Variants in FHIT observed in about 807,000 individuals in gnomAD.
The protein encoded by FHIT is fragile histidine triad diadenosine triphosphatase.
A neutral mutation model predicts 17.9 loss-of-function variants in FHIT; 19 were observed. The ratio of observed to expected loss-of-function variants is 1.06; its 90% confidence interval spans 0.74 to 1.56. FHIT has a LOEUF of 1.56. FHIT is among the 40% of genes most tolerant of loss of function. FHIT has a pLI of 0.00. For synonymous variants in FHIT, 81 were observed against 69.7 expected (o/e 1.16, Z -0.81); for missense variants, 248 against 189.2 (o/e 1.31, Z -1.82).
intron 5 of FHIT, among the ~76,000 whole-genome samples, chr3:60,121,686 A>AAAAC (rs138801814): frequency 0.033 from 3,232 of 96,748 alleles, 151 homozygotes; most frequent in African/African-American, 0.13. Flanking sequence ...TCTGTCTCAA[A>AAAAC]AAACAAACAA....
chr3:60,512,254 A>G (rs754929559), intron 5 of FHIT, among the ~76,000 whole-genome samples: 1 of 152,190 alleles, frequency 6.6e-6, no homozygotes, highest in Non-Finnish European at 1.5e-5. Context: ...ATCAGATTAA[A>G]GTCTATTTAA....
chr3:60,227,420 A>C (rs192502690), intron 5 of FHIT, among the ~76,000 whole-genome samples: 1 of 152,296 alleles, frequency 6.6e-6, no homozygotes, highest in African/African-American at 2.4e-5. Context: ...AAGAAATGAA[A>C]GCTTCCTGAA....
chr3:60,973,786 C>T (rs1358006398), intron 3 of FHIT, among the ~76,000 whole-genome samples: 1 of 152,114 alleles, frequency 6.6e-6, no homozygotes, highest in Admixed American at 6.6e-5. Context: ...CTGAAGCTTT[C>T]TCAAGTAGGA....
chr3:60,007,124 C>T (rs75828240), intron 7 of FHIT, among the ~76,000 whole-genome samples: 2,689 of 152,174 alleles, frequency 0.018, 68 homozygotes, highest in African/African-American at 0.061. Context: ...TCCAGATTAC[C>T]TGCCTGGAAT....
chr3:61,106,048 CCT>C (rs2035979544), intron 2 of FHIT, among the ~76,000 whole-genome samples: 1 of 152,124 alleles, frequency 6.6e-6, no homozygotes, highest in South Asian at 2.1e-4. Flanking sequence ...TTTGGAACCC[CCT>C]GATTATTAGC....
In FHIT at chr3:59,879,021, AAG is replaced by A. The variant is rs1491266613; in HGVS notation, c.348+43323_348+43324del. 2.8e-5 allele frequency among the ~76,000 whole-genome samples: 4 copies of A among 143,046 alleles called. No homozygotes were observed. In the South Asian group the frequency reaches 7.1e-4, roughly 25 times the overall value. 93.8% of individuals were successfully genotyped at this position (143,046 alleles called of 152,430 possible). On this transcript the variant is annotated intron_variant, in intron 8 of 9. Transcript: ENST00000492590. ...CAAACTGTCAGCAAAGGAAAAAAAA[AAG>A]AAGAAGAAGAAAGGGCACATTCTAT...
chr3:60,333,565 G>GAAAA (rs1039389564), intron 5 of FHIT, among the ~76,000 whole-genome samples: 1 of 150,754 alleles, frequency 6.6e-6, no homozygotes, highest in Non-Finnish European at 1.5e-5. Flanking sequence ...AATTTAAAAA[G>GAAAA]AAAAAATATA....
intron 5 of FHIT, among the ~76,000 whole-genome samples, chr3:60,448,030 C>T (rs551498547): frequency 6.6e-6 from 1 of 152,276 alleles, no homozygotes; most frequent in East Asian, 1.9e-4. Context: ...ATCATCTCAT[C>T]AATGAATTCA....
At chr3:61,102,133 A>G (rs7611232) in intron 2 of FHIT, among the ~76,000 whole-genome samples, 52,439 of 151,826 alleles carry the variant, frequency 0.35, 11,413 homozygotes, top group Non-Finnish European at 0.49. Context: ...GTCTTGTGCC[A>G]GTTTTCAAAG....
At chr3:60,156,665 T>C (rs963254217) in intron 5 of FHIT, among the ~76,000 whole-genome samples, 2 of 152,074 alleles carry the variant, frequency 1.3e-5, no homozygotes, top group Non-Finnish European at 1.5e-5. Context: ...GGTGAGAGGA[T>C]TACTTGAGCC....
chr3:61,132,293 C>A (rs1235098839), intron 2 of FHIT, among the ~76,000 whole-genome samples: 2 of 152,218 alleles, frequency 1.3e-5, no homozygotes, highest in East Asian at 1.9e-4. Context: ...CAGAAAAGGT[C>A]TGGCTGTTCT....
intron 4 of FHIT, chr3:60,617,359 C>G (rs536927475): frequency 4.9e-6 from 1 of 202,754 alleles, no homozygotes; most frequent in Non-Finnish European, 1.1e-5. Flanking sequence ...CCTGTAAATG[C>G]CTTTGTTGAT....
At chr3:60,294,440 C>T (rs999947025) in intron 5 of FHIT, among the ~76,000 whole-genome samples, 2 of 152,172 alleles carry the variant, frequency 1.3e-5, no homozygotes, top group Admixed American at 6.6e-5. Flanking sequence ...AGTTAGCTGG[C>T]AGCAGAACTT....
At chr3:60,600,323 TA>T (rs201743123) in intron 4 of FHIT, among the ~76,000 whole-genome samples, 3 of 147,858 alleles carry the variant, frequency 2.0e-5, no homozygotes, top group African/African-American at 7.5e-5. Flanking sequence ...CCTACTTGAT[TA>T]AAAAAAAATA....
At chr3:61,245,252 A>C (rs1446234235) in intron 1 of FHIT, among the ~76,000 whole-genome samples, 1 of 152,196 alleles carries the variant, frequency 6.6e-6, no homozygotes, top group Non-Finnish European at 1.5e-5. Context: ...ACCTCACTGA[A>C]AACTAAAAAC....
At chr3:61,172,396 G>A (rs922969415) in intron 2 of FHIT, among the ~76,000 whole-genome samples, 1 of 152,160 alleles carries the variant, frequency 6.6e-6, no homozygotes, top group African/African-American at 2.4e-5. Context: ...AAGGACATAA[G>A]TGTGCATATG....
chr3:60,474,834 G>T (rs2033265950), intron 5 of FHIT, among the ~76,000 whole-genome samples: 1 of 152,020 alleles, frequency 6.6e-6, no homozygotes, highest in Admixed American at 6.6e-5. Context: ...TGTTGCTCAG[G>T]CTGTTCTCAA....
Position 59,941,218 on chromosome 3 carries a change from G to A in FHIT, c.280-18804C>T, listed in dbSNP as rs111976545. On this transcript the variant is annotated intron_variant, in intron 7 of 9. Transcript: ENST00000492590. ...CATGTTCTTTTGTGTATGCAATAGTGTATGCTGATTGTTCTCAAGCTGCCA... is the reference window on the plus strand; with the variant it reads ...CATGTTCTTTTGTGTATGCAATAGTATATGCTGATTGTTCTCAAGCTGCCA... Among the ~76,000 whole-genome samples, 166 of 152,298 alleles carry A rather than the reference G, an allele frequency of 1.1e-3. 2 individuals are homozygous for A. Among genetic ancestry groups the A allele is most frequent in the African/African-American group, 3.9e-3 (162 of 41,574 alleles).
At chr3:60,329,977 A>C (rs1709885146) in intron 5 of FHIT, among the ~76,000 whole-genome samples, 1 of 152,260 alleles carries the variant, frequency 6.6e-6, no homozygotes, top group Non-Finnish European at 1.5e-5. Flanking sequence ...TGGTATCATC[A>C]AATTAAAAAT....
Sources: gnomAD v4.1 joint callset for allele counts (sites outside exome capture counted in the v4.1 genomes callset) on GRCh38, gnomAD v4.1.1 for gene constraint, MANE v1.5 for transcripts, NCBI Gene and HGNC (gene_info 2026-07-23, HGNC 2026-07-21) for gene names.